The following ATP11C variants were observed in gnomAD, a reference collection of about 807,000 sequenced individuals.
The protein encoded by ATP11C is ATPase phospholipid transporting 11C (ATP11C blood group).
A neutral mutation model predicts 97.4 loss-of-function variants in ATP11C; 36 were observed. The observed-to-expected ratio is 0.37, with a 90% CI of 0.28 to 0.49. ATP11C has a LOEUF of 0.49. Among genes scored for constraint, ATP11C ranks in the 20% least tolerant of loss-of-function variants. The pLI is 0.98. For synonymous variants in ATP11C, 275 were observed against 290.9 expected (o/e 0.95, Z 0.56); for missense variants, 730 against 824.6 (o/e 0.89, Z 1.40).
intron 1 of ATP11C, among the ~76,000 whole-genome samples, chrX:139,864,012 C>T (rs1429500136): frequency 2.7e-5 from 3 of 110,505 alleles, no homozygotes. Context: ...TGCAGTGAGC[C>T]GAGATCAAGC....
At chrX:139,919,848 G>A (rs780611650) in intron 1 of ATP11C, among the ~76,000 whole-genome samples, 40 of 111,828 alleles carry the variant, frequency 3.6e-4, no homozygotes, top group Non-Finnish European at 6.2e-4. Flanking sequence ...GAACCTGGGA[G>A]GCGGAGGCTG....
At chrX:139,815,801 T>C (rs1187948773) in intron 4 of ATP11C, among the ~76,000 whole-genome samples, 1 of 110,586 alleles carries the variant, frequency 9.0e-6, no homozygotes, top group Admixed American at 9.6e-5. Context: ...CCCCACTTTT[T>C]CCCCTCAGGT....
intron 2 of ATP11C, among the ~76,000 whole-genome samples, chrX:139,823,794 C>A (rs779557617): frequency 1.8e-5 from 2 of 111,802 alleles, no homozygotes; most frequent in Admixed American, 1.9e-4. Flanking sequence ...AAAGCAAATG[C>A]CCGAAAACCA....
chrX:139,744,308 G>A (rs1415954759), intron 25 of ATP11C, among the ~76,000 whole-genome samples: 1 of 112,272 alleles, frequency 8.9e-6, no homozygotes, highest in Non-Finnish European at 1.9e-5. Context: ...AATCATACAT[G>A]AGTGTTATGT....
intron 20 of ATP11C, among the ~76,000 whole-genome samples, chrX:139,764,511 G>A (rs779105693): frequency 8.9e-6 from 1 of 112,699 alleles, no homozygotes; most frequent in African/African-American, 3.2e-5. Context: ...GATAATCACT[G>A]TTTGATGTGG....
chrX:139,812,547 GT>G (rs368917710), intron 5 of ATP11C, among the ~76,000 whole-genome samples: 135 of 98,684 alleles, frequency 1.4e-3, no homozygotes, highest in African/African-American at 1.6e-3. Context: ...ACTGTTGTTG[GT>G]TTTTTTTTTT....
intron 10 of ATP11C, among the ~76,000 whole-genome samples, chrX:139,797,777 C>CA (rs1175188256): frequency 9.0e-6 from 1 of 111,425 alleles, no homozygotes; most frequent in Non-Finnish European, 1.9e-5. Flanking sequence ...GAAAGGGTGC[C>CA]AGTGATATAC....
chrX:139,830,522 A>G (rs2083623829), intron 1 of ATP11C, among the ~76,000 whole-genome samples: 1 of 111,828 alleles, frequency 8.9e-6, no homozygotes, highest in Admixed American at 9.5e-5. Context: ...AATTATTCAG[A>G]TCACTGATAA....
chrX:139,759,318 T>C (rs773809101), intron 22 of ATP11C, among the ~76,000 whole-genome samples: 1 of 111,696 alleles, frequency 9.0e-6, no homozygotes, highest in African/African-American at 3.3e-5. Flanking sequence ...TAAAATATAT[T>C]TGTTCACCGA....
intron 1 of ATP11C, among the ~76,000 whole-genome samples, chrX:139,883,381 A>G (rs781479822): frequency 9.0e-6 from 1 of 110,752 alleles, no homozygotes; most frequent in South Asian, 3.8e-4. Context: ...AACTATTCCC[A>G]AACTTTGCCT....
rs1490109313 is a variant in ATP11C at position 139,932,500 on chromosome X, T to G, written c.-458A>C. On this transcript the variant is annotated 5_prime_UTR_variant, in exon 1 of 30. Transcript: ENST00000682941. ...CCCCGACGCGGCACCACCGCCCGCC[T>G]CCCCGCTGGACTCCGCGGCCGCCCC... The G allele has an allele frequency of 3.7e-5, 4 of 107,980 alleles. No homozygotes were observed. Among genetic ancestry groups the G allele is most frequent in the Non-Finnish European group, 7.7e-5 (4 of 51,705 alleles). 8.9% of individuals were successfully genotyped at this position (107,980 alleles called of 1,213,427 possible).
chrX:139,794,465 A>T (rs1323496638), intron 12 of ATP11C, among the ~76,000 whole-genome samples: 1 of 112,370 alleles, frequency 8.9e-6, no homozygotes, highest in Admixed American at 9.5e-5. Flanking sequence ...AACTGATAAC[A>T]ATGGCAAGTT....
intron 1 of ATP11C, among the ~76,000 whole-genome samples, chrX:139,848,397 A>G (rs903521327): frequency 1.1e-4 from 12 of 110,961 alleles, no homozygotes; most frequent in Non-Finnish European, 1.1e-4. Flanking sequence ...CTGTTATCAC[A>G]TATTACTTCA....
intron 25 of ATP11C, 89 bp downstream of exon 25, chrX:139,745,633 A>G (rs757599774): frequency 8.4e-5 from 81 of 967,716 alleles, no homozygotes; most frequent in Admixed American, 1.9e-4. Context: ...GATTACAGCT[A>G]GAGTATGTAT....
intron 1 of ATP11C, among the ~76,000 whole-genome samples, chrX:139,885,876 G>GA (rs1324593368): frequency 3.8e-5 from 4 of 104,297 alleles, no homozygotes; most frequent in East Asian, 3.0e-4. Context: ...CATCTATGAA[G>GA]AAAAAAAAAA....
At chrX:139,803,741 T>C (rs1603377166) in intron 6 of ATP11C, among the ~76,000 whole-genome samples, 1 of 80,924 alleles carries the variant, frequency 1.2e-5, no homozygotes. Flanking sequence ...CCCTGTCACC[T>C]AGGCTGGAGT....
intron 2 of ATP11C, among the ~76,000 whole-genome samples, chrX:139,820,222 G>A (rs1486523882): frequency 9.4e-6 from 1 of 106,732 alleles, no homozygotes; most frequent in Non-Finnish European, 1.9e-5. Context: ...GCAACATGGT[G>A]AAACCCCATC....
intron 1 of ATP11C, among the ~76,000 whole-genome samples, chrX:139,890,280 C>A: frequency 9.0e-6 from 1 of 110,996 alleles, no homozygotes; most frequent in Non-Finnish European, 1.9e-5. Context: ...CCTGTAATCC[C>A]AACACTTTGG....
chrX:139,807,975 A>G (rs1164704188), intron 5 of ATP11C, among the ~76,000 whole-genome samples: 1 of 107,556 alleles, frequency 9.3e-6, no homozygotes, highest in African/African-American at 3.5e-5. Context: ...AAAAAAAAAG[A>G]TATTAAATGG....
Sources: gnomAD v4.1 joint callset for allele counts (sites outside exome capture counted in the v4.1 genomes callset) on GRCh38, gnomAD v4.1.1 for gene constraint, MANE v1.5 for transcripts, NCBI Gene and HGNC (gene_info 2026-07-23, HGNC 2026-07-21) for gene names.